SLC9A2: variants seen among roughly 807,000 people sequenced by gnomAD.
The protein encoded by SLC9A2 is sodium/hydrogen exchanger 2.
Under a neutral mutation model 71.7 loss-of-function variants are expected in SLC9A2, and 42 were observed. The observed-to-expected ratio is 0.59, with a 90% CI of 0.46 to 0.76. SLC9A2 has a LOEUF of 0.76. Among genes scored for constraint, SLC9A2 ranks in the 30% least tolerant of loss-of-function variants. SLC9A2 has a pLI of 0.00. For missense variants in SLC9A2, 829 were observed against 1,017.4 expected (o/e 0.81, Z 2.52); for synonymous variants, 396 against 392.5 (o/e 1.01, Z -0.10).
Position 102,635,468 on chromosome 2 carries a change from G to A in SLC9A2, c.289+15331G>A, listed in dbSNP as rs17775170. On this transcript the variant is annotated intron_variant, in intron 1 of 11. Coordinates refer to ENST00000233969, the MANE Select transcript of SLC9A2 (RefSeq NM_003048.6). ...TGCACGCCTGTGTGCAACAGCCCTGGCCCTAGTTTCTCTGTATCCTGTTGC... is the reference window on the plus strand; with the variant it reads ...TGCACGCCTGTGTGCAACAGCCCTGACCCTAGTTTCTCTGTATCCTGTTGC... Among the ~76,000 whole-genome samples the A allele has an allele frequency of 0.18, 27,102 of 152,142 alleles. 2,931 individuals are homozygous for A. Among genetic ancestry groups the A allele is most frequent in the Admixed American group, 0.3 (4,636 of 15,278 alleles).
intron 1 of SLC9A2, among the ~76,000 whole-genome samples, chr2:102,655,212 T>TTC (rs1334059478): frequency 6.8e-6 from 1 of 147,732 alleles, no homozygotes; most frequent in East Asian, 1.9e-4. Context: ...CCCTTATTCT[T>TTC]TTTTTTTTTT....
rs2104525797 is a variant in SLC9A2 at position 102,665,319 on chromosome 2, G to A, written c.973G>A (p.Ala325Thr). ...GTACAGTTATTTGTCCTACATCACAGCTGAAATGTTTCACCTCTCAGGCAT... is the reference window on the plus strand; with the variant it reads ...GTACAGTTATTTGTCCTACATCACAACTGAAATGTTTCACCTCTCAGGCAT... ...FLYSYLSYIT[A>T]EMFHLSGIMA... is the part of the protein sequence containing the mutation. Residue 325 changes from alanine to threonine, a missense_variant, in exon 3 of 12, where the codon GCT becomes ACT. Ala to Thr is a moderately conservative substitution (Grantham distance 58). Coordinates refer to ENST00000233969, the MANE Select transcript of SLC9A2 (RefSeq NM_003048.6). 2 of 1,613,526 alleles carry A rather than the reference G, an allele frequency of 1.2e-6. No homozygotes were observed. Among genetic ancestry groups the A allele is most frequent in the East Asian group, 2.2e-5 (1 of 44,852 alleles).
chr2:102,666,955 T>C (rs1184280781), intron 3 of SLC9A2, among the ~76,000 whole-genome samples: 2 of 152,352 alleles, frequency 1.3e-5, no homozygotes, highest in Non-Finnish European at 2.9e-5. Flanking sequence ...CTGATTAAGA[T>C]GATCATTTGA....
chr2:102,660,749 GA>G (rs1463455154), intron 2 of SLC9A2, among the ~76,000 whole-genome samples: 2 of 152,140 alleles, frequency 1.3e-5, no homozygotes, highest in African/African-American at 4.8e-5. Context: ...GTTGCAAATA[GA>G]AGAATAGGGG....
chr2:102,623,404 C>T (rs950669701), intron 1 of SLC9A2, among the ~76,000 whole-genome samples: 5 of 152,232 alleles, frequency 3.3e-5, no homozygotes, highest in Admixed American at 2.0e-4. Context: ...AGCCCAGCCT[C>T]GTCCTGCAGC....
chr2:102,691,999 A>C (rs999426009), intron 5 of SLC9A2, among the ~76,000 whole-genome samples: 1 of 152,226 alleles, frequency 6.6e-6, no homozygotes, highest in Non-Finnish European at 1.5e-5. Context: ...TAAAATTTAC[A>C]TTGATTTTGT....
Position 102,666,819 on chromosome 2 carries a change from T to A in SLC9A2, c.1004+1469T>A, listed in dbSNP as rs1677150285. On this transcript the variant is annotated intron_variant, in intron 3 of 11. Transcript: ENST00000233969. The stretch of plus-strand genomic sequence containing the variant: ...ATGGAATGCTTTTACATTTTTTTTT[T>A]ACTTTGACAAATATGTATTTACAGC... 2.0e-5 allele frequency among the ~76,000 whole-genome samples: 3 copies of A among 152,320 alleles called. No homozygotes were observed. The South Asian group carries it at 6.2e-4, about 32-fold the overall frequency.
rs943974665 is a variant in SLC9A2, at chr2:102,710,339, C to A, written c.*1850C>A. The A allele has an allele frequency of 1.3e-5, 2 of 152,294 alleles. No homozygotes were observed. The highest frequency in any genetic ancestry group is 4.8e-5 in the African/African-American group (2 of 41,418). 9.4% of individuals were successfully genotyped at this position (152,294 alleles called of 1,614,324 possible). ...GTAGATTTTTGAGAATGCCAAAAAT[C>A]AGGTTTCAGAAAAGCTACAGTATGA... is the stretch of plus-strand genomic sequence containing the variant. On this transcript the variant is annotated 3_prime_UTR_variant, in exon 12 of 12. Transcript: ENST00000233969.
chr2:102,682,790 A>T (rs12105741), intron 3 of SLC9A2, among the ~76,000 whole-genome samples: 8,465 of 152,234 alleles, frequency 0.056, 458 homozygotes, highest in African/African-American at 0.14. Flanking sequence ...GGCTACTAAG[A>T]TGTGACAGGG....
At chr2:102,630,040 A>T (rs1266559742) in intron 1 of SLC9A2, among the ~76,000 whole-genome samples, 3 of 152,096 alleles carry the variant, frequency 2.0e-5, no homozygotes, top group Non-Finnish European at 2.9e-5. Context: ...CTAATACTTG[A>T]ACTTAAAAAA....
At chr2:102,675,008 C>G (rs963929969) in intron 3 of SLC9A2, among the ~76,000 whole-genome samples, 2 of 152,112 alleles carry the variant, frequency 1.3e-5, no homozygotes, top group African/African-American at 4.8e-5. Flanking sequence ...TGTGATTGGC[C>G]CTGGGGTTTG....
intron 1 of SLC9A2, among the ~76,000 whole-genome samples, chr2:102,646,835 A>T (rs1198037857): frequency 6.7e-6 from 1 of 149,748 alleles, no homozygotes; most frequent in East Asian, 1.9e-4. Flanking sequence ...GTTCTTAGAG[A>T]CCTACAAAGA....
intron 7 of SLC9A2, among the ~76,000 whole-genome samples, chr2:102,696,294 C>T (rs1677768070): frequency 6.6e-6 from 1 of 152,112 alleles, no homozygotes; most frequent in South Asian, 2.1e-4. Flanking sequence ...TGGAAGGCAG[C>T]ATTTAAGCTA....
chr2:102,667,404 A>G (rs1257629876), intron 3 of SLC9A2, among the ~76,000 whole-genome samples: 1 of 152,148 alleles, frequency 6.6e-6, no homozygotes, highest in Admixed American at 6.5e-5. Flanking sequence ...ATGTTCTAGA[A>G]CCCACAAAGG....
intron 2 of SLC9A2, among the ~76,000 whole-genome samples, chr2:102,659,377 G>T (rs1375950541): frequency 1.3e-5 from 2 of 151,950 alleles, no homozygotes; most frequent in Non-Finnish European, 2.9e-5. Context: ...TGAGGCGGAG[G>T]TTGCAATGAG....
At chr2:102,633,184 T>G (rs1676407530) in intron 1 of SLC9A2, among the ~76,000 whole-genome samples, 1 of 152,220 alleles carries the variant, frequency 6.6e-6, no homozygotes, top group African/African-American at 2.4e-5. Context: ...ATGGTAATTC[T>G]GGAAGGTAGG....
intron 5 of SLC9A2, among the ~76,000 whole-genome samples, chr2:102,690,652 C>G (rs1677641225): frequency 6.6e-6 from 1 of 152,088 alleles, no homozygotes; most frequent in Non-Finnish European, 1.5e-5. Context: ...AAAAGAGAGA[C>G]ACACAGATGG....
At chr2:102,650,779 T>C (rs940390625) in intron 1 of SLC9A2, among the ~76,000 whole-genome samples, 2 of 152,206 alleles carry the variant, frequency 1.3e-5, no homozygotes, top group African/African-American at 4.8e-5. Flanking sequence ...AATAAGAACA[T>C]ATGGCGATGT....
chr2:102,657,530 C>A (rs764655341), intron 1 of SLC9A2, 34 bp from the exon 2 acceptor site: 5 of 1,473,126 alleles, frequency 3.4e-6, no homozygotes, highest in Non-Finnish European at 4.6e-6. Flanking sequence ...TCCTCCATAA[C>A]CCAAGTTGTG....
Sources: allele counts gnomAD v4.1 joint callset (sites outside exome capture counted in the v4.1 genomes callset), GRCh38; gene constraint gnomAD v4.1.1; transcripts MANE v1.5; gene names NCBI Gene and HGNC (gene_info 2026-07-23, HGNC 2026-07-21).